Variants in IL10RB observed in about 807,000 individuals in gnomAD.
The protein encoded by IL10RB is interleukin-10 receptor subunit beta.
A neutral mutation model predicts 38.7 loss-of-function variants in IL10RB; 30 were observed. The ratio of observed to expected loss-of-function variants is 0.78; its 90% CI spans 0.58 to 1.05. The LOEUF is 1.05. Among genes scored for constraint, IL10RB ranks in the 50% least tolerant of loss-of-function variants. The probability of loss-of-function intolerance (pLI) is 0.00; values close to 1 mark genes in which losing one functional copy is unlikely to be tolerated. For missense variants in IL10RB, 328 were observed against 397.1 expected, an observed-to-expected ratio of 0.83 and a Z score of 1.48; for synonymous variants, 142 against 145.9, an observed-to-expected ratio of 0.97 and a Z score of 0.19.
intron 6 of IL10RB, among the ~76,000 whole-genome samples, chr21:33,295,224 G>A (rs917401858): frequency 6.6e-6 from 1 of 152,096 alleles, no homozygotes; most frequent in African/African-American, 2.4e-5. Flanking sequence ...CAGGCAAGGT[G>A]GTGGGCGCCT....
intron 2 of IL10RB, among the ~76,000 whole-genome samples, chr21:33,271,943 A>G (rs1240420428): frequency 6.6e-6 from 1 of 151,558 alleles, no homozygotes; most frequent in Non-Finnish European, 1.5e-5. Context: ...TTTTTTTTTA[A>G]TTAGCTGGAC....
rs1231910512 is a variant in IL10RB at position 33,276,571 on chromosome 21, T to C, written c.174-25T>C. On this transcript the variant is annotated intron_variant, in intron 2 of 6. Coordinates refer to ENST00000290200, the MANE Select transcript of IL10RB (RefSeq NM_000628.5). ...GAGACTGAAGCCAGAACTCTCCTGATTGACCTATCTTTTTGATTGTGTAGT... is the reference window on the plus strand; with the variant it reads ...GAGACTGAAGCCAGAACTCTCCTGACTGACCTATCTTTTTGATTGTGTAGT... The C allele has an allele frequency of 4.4e-6, 7 of 1,605,808 alleles. No individual in the cohort carries two copies. In the Admixed American group the frequency reaches 5.0e-5, roughly 11 times the overall value.
At chr21:33,307,468 C>T (rs918914777) in intron 1 of IL10RB, among the ~76,000 whole-genome samples, 4 of 152,164 alleles carry the variant, frequency 2.6e-5, no homozygotes, top group African/African-American at 9.7e-5. Flanking sequence ...TTGCAGCTGC[C>T]CAAGACCATG....
At chr21:33,278,677 A>C (rs1025301460) in intron 3 of IL10RB, among the ~76,000 whole-genome samples, 10 of 152,212 alleles carry the variant, frequency 6.6e-5, no homozygotes, top group African/African-American at 2.4e-4. Context: ...CTGTGCTCTT[A>C]GCAACTACTA....
intron 2 of IL10RB, among the ~76,000 whole-genome samples, chr21:33,270,640 C>G (rs996489710): frequency 1.3e-5 from 2 of 151,160 alleles, no homozygotes; most frequent in East Asian, 3.9e-4. Flanking sequence ...TCCCAAAGTG[C>G]TGGGATTACA....
At chr21:33,294,167 G>A in intron 6 of IL10RB, 1 of 420,872 alleles carries the variant, frequency 2.4e-6, no homozygotes, top group Middle Eastern at 5.8e-4. Context: ...GGAGGGTGCT[G>A]GAGAAGGGCC....
intron 1 of IL10RB, 125 bp downstream of exon 1, chr21:33,266,639 T>C (rs970583848): frequency 1.1e-6 from 1 of 932,542 alleles, no homozygotes; most frequent in Middle Eastern, 2.2e-4. Flanking sequence ...GGAGAGAAGA[T>C]GCAAACGCCA....
intron 6 of IL10RB, among the ~76,000 whole-genome samples, chr21:33,292,941 G>A (rs145005759): frequency 2.6e-5 from 4 of 152,214 alleles, no homozygotes; most frequent in African/African-American, 9.7e-5. Context: ...GCAGCCTCCT[G>A]TGTGGTTTGA....
intron 1 of IL10RB, among the ~76,000 whole-genome samples, chr21:33,307,167 C>T (rs752853587): frequency 6.6e-6 from 1 of 152,176 alleles, no homozygotes; most frequent in Non-Finnish European, 1.5e-5. Context: ...AACGTGACTG[C>T]ATCTTGGATG....
chr21:33,275,152 CTTTTTTT>C (rs71320298), intron 2 of IL10RB, among the ~76,000 whole-genome samples: 1 of 102,308 alleles, frequency 9.8e-6, no homozygotes, highest in Non-Finnish European at 2.0e-5. Context: ...TCCAACTTTT[CTTTTTTT>C]TTTTTTTTTT....
At chr21:33,266,630 G>C (rs990607901) in intron 1 of IL10RB, 116 bp downstream of exon 1, 11 of 1,021,992 alleles carry the variant, frequency 1.1e-5, no homozygotes, top group Non-Finnish European at 1.6e-5. Context: ...GGGGCCTCGG[G>C]AGAGAAGATG....
intron 3 of IL10RB, among the ~76,000 whole-genome samples, chr21:33,277,672 T>TC (rs1330479690): frequency 2.7e-4 from 37 of 135,942 alleles, no homozygotes; most frequent in East Asian, 1.4e-3. Flanking sequence ...TTCTTTCTTT[T>TC]TTTTTTTTTT....
chr21:33,276,379 T>G (rs1989170538), intron 2 of IL10RB, among the ~76,000 whole-genome samples: 1 of 152,180 alleles, frequency 6.6e-6, no homozygotes, highest in South Asian at 2.1e-4. Context: ...GAAGCAAGCT[T>G]TCTTGGTCAA....
intron 2 of IL10RB, among the ~76,000 whole-genome samples, chr21:33,275,274 A>G (rs955275788): frequency 4.7e-5 from 7 of 148,250 alleles, no homozygotes; most frequent in African/African-American, 1.5e-4. Flanking sequence ...TCCTGCCTCA[A>G]CCTCCTGAGT....
In IL10RB at chr21:33,268,467, G is replaced by T. The variant is rs140495014; in HGVS notation, c.123G>T (p.Glu41Asp). Residue 41 changes from glutamate to aspartate, a missense_variant, in exon 2 of 7, where the codon GAG (glutamate) becomes GAT (aspartate). By Grantham distance (45) the Glu-to-Asp change is conservative. Transcript: ENST00000290200. ...SVNFKNILQW[E>D]SPAFAKGNLT... Reference sequence around the variant, plus strand: ...ATTTCAAGAACATTCTACAGTGGGAGTCACCTGCTTTTGCCAAAGGGAACC... The same window carrying T: ...ATTTCAAGAACATTCTACAGTGGGATTCACCTGCTTTTGCCAAAGGGAACC... 1 of 1,614,204 alleles carries T rather than the reference G, an allele frequency of 6.2e-7. No homozygotes were observed. Among genetic ancestry groups the T allele is most frequent in the Non-Finnish European group, 8.5e-7 (1 of 1,179,992 alleles).
intron 6 of IL10RB, among the ~76,000 whole-genome samples, chr21:33,288,789 C>T (rs949910799): frequency 6.6e-6 from 1 of 152,112 alleles, no homozygotes; most frequent in Non-Finnish European, 1.5e-5. Flanking sequence ...AACAATGCAC[C>T]TGACTAATGA....
chr21:33,269,190 T>C (rs8134758), intron 2 of IL10RB, among the ~76,000 whole-genome samples: 3,572 of 152,304 alleles, frequency 0.023, 148 homozygotes, highest in African/African-American at 0.082. Flanking sequence ...GTCATCTCAG[T>C]GGTGATCTGA....
chr21:33,287,420 ATCATAGC>A, intron 5 of IL10RB, among the ~76,000 whole-genome samples: 1 of 151,998 alleles, frequency 6.6e-6, no homozygotes, highest in South Asian at 2.1e-4. Context: ...CAGTGGTACA[ATCATAGC>A]TCACTATCAC....
intron 2 of IL10RB, among the ~76,000 whole-genome samples, chr21:33,270,607 C>A (rs1989059145): frequency 1.3e-5 from 2 of 151,872 alleles, no homozygotes; most frequent in African/African-American, 4.8e-5. Flanking sequence ...ATCTCCTGAC[C>A]TCGTGATCCA....
Sources: gnomAD v4.1 joint callset for allele counts (sites outside exome capture counted in the v4.1 genomes callset) on GRCh38, gnomAD v4.1.1 for gene constraint, MANE v1.5 for transcripts, NCBI Gene and HGNC (gene_info 2026-07-23, HGNC 2026-07-21) for gene names.